DACH1: variants seen among roughly 807,000 people sequenced by gnomAD.
DACH1 encodes the protein dachshund homolog 1.
DACH1 carries 12 observed loss-of-function variants against 54.2 expected under a neutral mutation model. That is an observed-to-expected ratio of 0.22 (90% CI 0.14 to 0.36). DACH1 has a LOEUF of 0.36. Ranked by LOEUF, DACH1 falls within the 10% of genes least tolerant of loss-of-function variation. The pLI, the probability that DACH1 is intolerant of heterozygous loss-of-function variation, is 1.00. For missense variants in DACH1, 805 were observed against 929.8 expected, an observed-to-expected ratio of 0.87 and a Z score of 1.75; for synonymous variants, 386 against 366.2, an observed-to-expected ratio of 1.05 and a Z score of -0.62.
chr13:71,779,267 A>ATATATACG (rs1371553089), intron 1 of DACH1, among the ~76,000 whole-genome samples: 2 of 69,380 alleles, frequency 2.9e-5, no homozygotes. Context: ...ATATATGTGT[A>ATATATACG]TATATACGTA....
chr13:71,527,924 C>CT lies in DACH1; in HGVS notation c.1570+29099dup, dbSNP rs922170460. 5.9e-4 allele frequency among the ~76,000 whole-genome samples: 88 copies of CT among 147,956 alleles called. 1 individual carries two copies. Among genetic ancestry groups the CT allele is most frequent in the African/African-American group, 1.2e-3 (49 of 40,348 alleles). ...ACTGTCCTTGGTAAATTTGTTAACA[C>CT]TTTTTTTTTTAAAGAATCCCTTAAC... is the stretch of plus-strand genomic sequence containing the variant. On this transcript the variant is annotated intron_variant, in intron 6 of 10. Coordinates refer to ENST00000613252, the MANE Select transcript of DACH1 (RefSeq NM_080759.6).
At chr13:71,804,267 C>T (rs1228605764) in intron 1 of DACH1, among the ~76,000 whole-genome samples, 3 of 152,102 alleles carry the variant, frequency 2.0e-5, no homozygotes, top group Admixed American at 6.6e-5. Flanking sequence ...GAGCCATGTT[C>T]GTACTACTGG....
At chr13:71,590,681 CATTT>C (rs550568016) in intron 3 of DACH1, among the ~76,000 whole-genome samples, 1 of 152,166 alleles carries the variant, frequency 6.6e-6, no homozygotes, top group Admixed American at 6.5e-5. Flanking sequence ...CTAGGACTGA[CATTT>C]TATTTATAAG....
intron 1 of DACH1, among the ~76,000 whole-genome samples, chr13:71,691,159 G>A (rs1252151035): frequency 6.6e-6 from 1 of 152,114 alleles, no homozygotes; most frequent in Non-Finnish European, 1.5e-5. Flanking sequence ...CCATCATTCT[G>A]TTTCTTCAGG....
rs954013352 is a variant in DACH1 at position 71,553,426 on chromosome 13, T to C, written c.1570+3598A>G. On this transcript the variant is annotated intron_variant, in intron 6 of 10. Transcript: ENST00000613252. ...TGTATATTAGACATATATCCATATA[T>C]GTATATTAGACATATATCCATATAT... is the stretch of plus-strand genomic sequence containing the variant. 3.3e-5 allele frequency among the ~76,000 whole-genome samples: 4 copies of C among 122,788 alleles called. 1 individual carries two copies. The highest frequency in any genetic ancestry group is 4.8e-5 in the Non-Finnish European group (3 of 62,294). The allele number at this position is 122,788 out of a possible 152,430, so 80.6% of individuals were successfully genotyped here.
At chr13:71,748,212 G>T (rs1019103605) in intron 1 of DACH1, among the ~76,000 whole-genome samples, 3 of 151,906 alleles carry the variant, frequency 2.0e-5, no homozygotes, top group African/African-American at 7.3e-5. Context: ...CAATGTTGAG[G>T]GGGGGAAAGC....
chr13:71,822,626 G>A (rs781473271), intron 1 of DACH1, among the ~76,000 whole-genome samples: 52 of 152,130 alleles, frequency 3.4e-4, no homozygotes, highest in Non-Finnish European at 6.8e-4. Context: ...TTTAGTTTTG[G>A]AAAGCATGTA....
chr13:71,714,184 G>T (rs1882867623), intron 1 of DACH1, among the ~76,000 whole-genome samples: 2 of 152,086 alleles, frequency 1.3e-5, no homozygotes, highest in Non-Finnish European at 1.5e-5. Context: ...AGTTTCAGTG[G>T]TTCCAATAGG....
At chr13:71,447,653 A>G (rs1874586431) in intron 10 of DACH1, among the ~76,000 whole-genome samples, 1 of 151,878 alleles carries the variant, frequency 6.6e-6, no homozygotes, top group South Asian at 2.1e-4. Flanking sequence ...CATCATGGTG[A>G]AACCCCGACT....
intron 3 of DACH1, among the ~76,000 whole-genome samples, chr13:71,574,943 A>G (rs1011348126): frequency 6.6e-6 from 1 of 152,012 alleles, no homozygotes; most frequent in Non-Finnish European, 1.5e-5. Context: ...ACTTATCCCT[A>G]GGTACTAGTC....
Position 71,589,859 on chromosome 13 carries a change from T to A in DACH1, c.1127-16847A>T, listed in dbSNP as rs537353169. The stretch of plus-strand genomic sequence containing the variant: ...TTATCACTGATTTTCCTTTTTTACA[T>A]TTCAGTAAATGACAGCACATTCATG... On this transcript the variant is annotated intron_variant, in intron 3 of 10. Transcript: ENST00000613252. 2.0e-5 allele frequency among the ~76,000 whole-genome samples: 3 copies of A among 152,196 alleles called. No individual in the cohort carries two copies. The South Asian group carries it at 6.2e-4, about 32-fold the overall frequency.
chr13:71,801,700 T>C (rs1887294169), intron 1 of DACH1, among the ~76,000 whole-genome samples: 1 of 152,148 alleles, frequency 6.6e-6, no homozygotes, highest in South Asian at 2.1e-4. Flanking sequence ...TTTGAACATA[T>C]GCAAAGTCTG....
At chr13:71,731,581 C>T (rs902887020) in intron 1 of DACH1, among the ~76,000 whole-genome samples, 117 of 152,294 alleles carry the variant, frequency 7.7e-4, no homozygotes, top group African/African-American at 2.7e-3. Flanking sequence ...CCGCGCCTGG[C>T]CTGTTTCTTG....
chr13:71,469,833 C>G (rs879759913), intron 10 of DACH1, among the ~76,000 whole-genome samples: 41 of 152,114 alleles, frequency 2.7e-4, no homozygotes, highest in Non-Finnish European at 2.5e-4. Context: ...GAAGGCAAGT[C>G]TTTTATGTCT....
intron 3 of DACH1, among the ~76,000 whole-genome samples, chr13:71,627,335 CAA>C (rs1221837020): frequency 2.3e-4 from 16 of 70,046 alleles, no homozygotes; most frequent in East Asian, 4.3e-4. Context: ...AACGCTCTTA[CAA>C]AAAAAAAAAA....
intron 3 of DACH1, among the ~76,000 whole-genome samples, chr13:71,592,804 T>C (rs2138467078): frequency 1.3e-5 from 2 of 152,294 alleles, no homozygotes; most frequent in East Asian, 1.9e-4. Context: ...ATAGTTTCCT[T>C]AAATTTCTTA....
chr13:71,832,947 A>G (rs1888650372), intron 1 of DACH1, among the ~76,000 whole-genome samples: 1 of 151,978 alleles, frequency 6.6e-6, no homozygotes, highest in Non-Finnish European at 1.5e-5. Flanking sequence ...ACAATTAAGT[A>G]AAACAATCTG....
intron 3 of DACH1, among the ~76,000 whole-genome samples, chr13:71,612,821 A>G (rs973459286): frequency 2.0e-5 from 3 of 152,252 alleles, no homozygotes; most frequent in South Asian, 2.1e-4. Context: ...AAGCATCTAG[A>G]GGAATTCCAT....
chr13:71,824,670 A>G (rs1384105658), intron 1 of DACH1, among the ~76,000 whole-genome samples: 2 of 152,160 alleles, frequency 1.3e-5, no homozygotes, highest in East Asian at 3.9e-4. Flanking sequence ...TTTGGAAAAT[A>G]ACTCTTTCTC....
Sources: allele counts gnomAD v4.1 joint callset (sites outside exome capture counted in the v4.1 genomes callset), GRCh38; gene constraint gnomAD v4.1.1; transcripts MANE v1.5; gene names NCBI Gene and HGNC (gene_info 2026-07-23, HGNC 2026-07-21).